LRP4: variants seen among roughly 807,000 people sequenced by gnomAD.
LRP4 encodes the protein low-density lipoprotein receptor-related protein 4.
Under a neutral mutation model 220.3 loss-of-function variants are expected in LRP4, and 95 were observed. That is an observed-to-expected ratio of 0.43 (90% CI 0.37 to 0.51). The LOEUF (loss-of-function observed/expected upper bound fraction) is 0.51. Among genes scored for constraint, LRP4 ranks in the 20% least tolerant of loss-of-function variants. The pLI, the probability that LRP4 is intolerant of heterozygous loss-of-function variation, is 0.00. For synonymous variants in LRP4, 903 were observed against 954.6 expected, an observed-to-expected ratio of 0.95 and a Z score of 1.00; for missense variants, 1,925 against 2,567.0, an observed-to-expected ratio of 0.75 and a Z score of 5.40.
In LRP4 at chr11:46,879,137, C is replaced by T. The variant is rs746964729; in HGVS notation, c.2993G>A (p.Arg998His). The T allele has an allele frequency of 3.0e-5, 48 of 1,614,080 alleles. No individual in the cohort carries two copies. The highest frequency in any genetic ancestry group is 2.0e-4 in the East Asian group (9 of 44,892). Residue 998 changes from arginine to histidine, a missense_variant, in exon 21 of 38, where the codon CGC becomes CAC. Physicochemically the swap from Arg to His is conservative, Grantham distance 29 (BLOSUM62 0). Transcript: ENST00000378623. Reference sequence around the variant, plus strand: ...CAAGGGCTGCTCACCTGGGGGCCGGCGGCGGTGGAAGACATGGATGTCCAT... The same window carrying T: ...CAAGGGCTGCTCACCTGGGGGCCGGTGGCGGTGGAAGACATGGATGTCCAT... ...NLMDIHVFHR[R>H]RPPVSTPCAM...
chr11:46,915,257 C>G (rs1188863654), intron 1 of LRP4, among the ~76,000 whole-genome samples: 2 of 152,206 alleles, frequency 1.3e-5, no homozygotes, highest in African/African-American at 4.8e-5. Context: ...AATTGCTCTG[C>G]ACTTATTTTC....
In LRP4 at chr11:46,873,876, C is replaced by T; in HGVS notation, c.4230-283G>A. Reference sequence around the variant, plus strand: ...GCTAGAAGACAAGTTTATCATTCCCCACATACCTTTGGGAAGAGACAAGGA... The same window carrying T: ...GCTAGAAGACAAGTTTATCATTCCCTACATACCTTTGGGAAGAGACAAGGA... On this transcript the variant is annotated intron_variant, in intron 28 of 37. Transcript: ENST00000378623. This position sits in a 1 kb window ranked among gnomAD's most constrained non-coding sequence, Gnocchi z 4.2. The T allele has an allele frequency of 2.1e-6, 1 of 472,844 alleles. No individual in the cohort carries two copies. Among genetic ancestry groups the T allele is most frequent in the Admixed American group, 3.6e-5 (1 of 27,476 alleles). 29.3% of individuals were successfully genotyped at this position (472,844 alleles called of 1,614,324 possible). A position where few individuals can be genotyped will look rare whatever the true frequency, so the allele number is the denominator to read the frequency against.
chr11:46,875,165 G>T lies in LRP4; in HGVS notation c.3926-62C>A, dbSNP rs570228848. ...GGAACATCATCTGAATCTTACAAAGGTCCCAGTTGTTTGTGGCTGGCTCTT... is the reference window on the plus strand; with the variant it reads ...GGAACATCATCTGAATCTTACAAAGTTCCCAGTTGTTTGTGGCTGGCTCTT... On this transcript the variant is annotated intron_variant, in intron 27 of 37. Transcript: ENST00000378623. The surrounding 1 kb of genome is among the most constrained non-coding windows in gnomAD (Gnocchi z 4.5). 19 of 1,539,710 alleles carry T rather than the reference G, an allele frequency of 1.2e-5. No individual in the cohort carries two copies. Among genetic ancestry groups the T allele is most frequent in the Non-Finnish European group, 1.6e-5 (18 of 1,130,004 alleles).
intron 1 of LRP4, among the ~76,000 whole-genome samples, chr11:46,914,703 G>C (rs981324914): frequency 1.3e-5 from 2 of 152,168 alleles, no homozygotes; most frequent in African/African-American, 2.4e-5. Flanking sequence ...AATGTAGAGA[G>C]ACCATGGCTG....
chr11:46,868,866 G>T, intron 32 of LRP4, 122 bp downstream of exon 32: 1 of 1,438,590 alleles, frequency 7.0e-7, no homozygotes, highest in Non-Finnish European at 9.8e-7. Flanking sequence ...AGTTCTAAGC[G>T]TTTAAAATGT....
intron 37 of LRP4, 93 bp downstream of exon 37, chr11:46,862,513 C>T (rs1200849644): frequency 7.9e-7 from 1 of 1,258,110 alleles, no homozygotes; most frequent in Non-Finnish European, 1.2e-6. Context: ...TGGGATTACT[C>T]AGCAGCCGTT....
chr11:46,915,160 C>T (rs1941928857), intron 1 of LRP4, among the ~76,000 whole-genome samples: 1 of 152,164 alleles, frequency 6.6e-6, no homozygotes, highest in Non-Finnish European at 1.5e-5. Context: ...TTTCACAAGC[C>T]CAACAGATCA....
chr11:46,874,075 G>T, intron 28 of LRP4: 1 of 177,142 alleles, frequency 5.6e-6, no homozygotes, highest in Non-Finnish European at 1.2e-5. Flanking sequence ...CAAAGTGCTG[G>T]GATTATAGGC....
At position 46,859,302 on chromosome 11, in the gene LRP4, T is replaced by C; in HGVS notation, c.5399A>G (p.His1800Arg). ...CTTGATCTTCTCCTTGGTGTAGTTA[T>C]GGTCAGGCCCTCCCTAGGGTGGAGA... The part of the protein sequence containing the change: ...LCYKKEGGPD[H>R]NYTKEKIKIV... Residue 1800 changes from histidine to arginine, a missense_variant, in exon 38 of 38, where the codon CAT (histidine) becomes CGT (arginine). Physicochemically the swap from His to Arg is conservative, Grantham distance 29 (BLOSUM62 0). This residue lies in a region of LRP4 where 1,244 missense variants were observed against 1,624.9 expected (regional missense o/e 0.77). Transcript: ENST00000378623. 1 of 1,613,938 alleles carries C rather than the reference T, an allele frequency of 6.2e-7. No homozygotes were observed. Among genetic ancestry groups the C allele is most frequent in the Non-Finnish European group, 8.5e-7 (1 of 1,179,888 alleles).
rs1941975983 is a variant in LRP4, at chr11:46,918,006, C to CGTGTG, written c.52+321_52+322insCACAC. Among the ~76,000 whole-genome samples, 1 of 152,222 alleles carries CGTGTG rather than the reference C, an allele frequency of 6.6e-6. No homozygotes were observed. Among genetic ancestry groups the CGTGTG allele is most frequent in the Non-Finnish European group, 1.5e-5 (1 of 68,040 alleles). On this transcript the variant is annotated intron_variant, in intron 1 of 37. Transcript: ENST00000378623. This position sits in a 1 kb window ranked among gnomAD's most constrained non-coding sequence, Gnocchi z 6.0. ...CAAGGACACAGAGCCCCCGACCTAA[C>CGTGTG]CTGAAAGGGAAGCAGCCCCCGCTCT...
rs376844404 is a variant in LRP4 at position 46,877,277 on chromosome 11, G to A, written c.3199C>T (p.Pro1067Ser). Residue 1067 changes from proline to serine, a missense_variant, in exon 23 of 38, where the codon CCT (proline) becomes TCT (serine). Physicochemically the swap from Pro to Ser is moderately conservative, Grantham distance 74 (BLOSUM62 -1). Transcript: ENST00000378623. ...IDIRMVSLDI[P>S]YFADVVVPIN... ...GGTACCACCACATCAGCAAAATAAG[G>A]GATGTCCAGGGAGACCATGCGAATG... 4.0e-5 allele frequency: 64 copies of A among 1,613,856 alleles called. No individual in the cohort carries two copies. Among genetic ancestry groups the A allele is most frequent in the Non-Finnish European group, 5.1e-5 (60 of 1,179,934 alleles).
In LRP4 at chr11:46,876,939, T is replaced by TC; in HGVS notation, c.3278-110dup. ...GAGCATGTCAGAGAGCTCTGGAGCCTCTAGCAGAGGAAATCAAGGAAAACG... is the reference window on the plus strand; with the variant it reads ...GAGCATGTCAGAGAGCTCTGGAGCCTCCTAGCAGAGGAAATCAAGGAAAACG... On this transcript the variant is annotated intron_variant, in intron 23 of 37. Transcript: ENST00000378623. 3 of 969,798 alleles carry TC rather than the reference T, an allele frequency of 3.1e-6. No individual in the cohort carries two copies. The South Asian group carries it at 3.9e-5, about 13-fold the overall frequency. The allele number at this position is 969,798 out of a possible 1,614,324, so 60.1% of individuals were successfully genotyped here.
intron 1 of LRP4, among the ~76,000 whole-genome samples, chr11:46,913,436 G>A (rs1941897811): frequency 6.6e-6 from 1 of 152,184 alleles, no homozygotes; most frequent in South Asian, 2.1e-4. Flanking sequence ...GTCAAACTTT[G>A]AGGTGGAGGA....
rs1459394349 is a variant in LRP4 at position 46,858,972 on chromosome 11, A to C, written c.*11T>G. On this transcript the variant is annotated 3_prime_UTR_variant, in exon 38 of 38. Coordinates refer to ENST00000378623, the MANE Select transcript of LRP4 (RefSeq NM_002334.4). ...GAAGGAACAGGCAGGCAGGGAAGAG[A>C]ATGTGGGCATTTAGACCTGGCTCTC... The C allele has an allele frequency of 6.2e-7, 1 of 1,612,810 alleles. No individual in the cohort carries two copies. The highest frequency in any genetic ancestry group is 8.5e-7 in the Non-Finnish European group (1 of 1,179,346).
intron 10 of LRP4, 91 bp downstream of exon 10, chr11:46,895,793 G>T: frequency 6.4e-7 from 1 of 1,562,014 alleles, no homozygotes; most frequent in Non-Finnish European, 8.7e-7. Context: ...AGGTCACACC[G>T]TTCAAATGCC....
chr11:46,888,561 A>G (rs1383548516), intron 16 of LRP4, among the ~76,000 whole-genome samples: 1 of 148,906 alleles, frequency 6.7e-6, no homozygotes, highest in Non-Finnish European at 1.5e-5. Context: ...AAAAAAAAAA[A>G]AAAAAAAAAA....
Position 46,875,695 on chromosome 11 carries a change from A to G in LRP4, c.3700-14T>C. The G allele has an allele frequency of 6.2e-7, 1 of 1,613,022 alleles. No homozygotes were observed. The highest frequency in any genetic ancestry group is 1.1e-5 in the South Asian group (1 of 91,048). On this transcript the variant is annotated splice_polypyrimidine_tract_variant and intron_variant, in intron 26 of 37. Coordinates refer to ENST00000378623, the MANE Select transcript of LRP4 (RefSeq NM_002334.4). The surrounding 1 kb of genome is among the most constrained non-coding windows in gnomAD (Gnocchi z 4.5). ...AGCCTCAATTCGCTGCAGAGGAAGGAGAGGGTGGGGGGTGGTGATCAGCAG... is the reference window on the plus strand; with the variant it reads ...AGCCTCAATTCGCTGCAGAGGAAGGGGAGGGTGGGGGGTGGTGATCAGCAG...
chr11:46,863,788 A>T (rs189182931), intron 36 of LRP4, among the ~76,000 whole-genome samples: 1 of 151,986 alleles, frequency 6.6e-6, no homozygotes, highest in East Asian at 1.9e-4. Context: ...TAAAAAAAAT[A>T]AACTTTCTGA....
chr11:46,893,532 T>G (rs1262522598), intron 12 of LRP4, among the ~76,000 whole-genome samples: 3 of 152,174 alleles, frequency 2.0e-5, no homozygotes, highest in African/African-American at 7.2e-5. Context: ...TGATACCAAA[T>G]TAGAATTTGA....
Sources: allele counts gnomAD v4.1 joint callset (sites outside exome capture counted in the v4.1 genomes callset), GRCh38; gene constraint gnomAD v4.1.1; regional missense constraint gnomAD v4.1.1; non-coding constraint Gnocchi (gnomAD v3.1); transcripts MANE v1.5; gene names NCBI Gene and HGNC (gene_info 2026-07-23, HGNC 2026-07-21).